TANK: variants seen among roughly 807,000 people sequenced by gnomAD.
TANK encodes the protein TRAF family member associated NFKB activator.
In TANK, 15 loss-of-function variants were observed where a neutral mutation model predicts 43.6. That is an observed-to-expected ratio of 0.34 (90% confidence interval 0.23 to 0.53). The LOEUF (loss-of-function observed/expected upper bound fraction) is 0.53. TANK is among the 20% of genes least tolerant of loss of function. TANK has a pLI of 0.94. For synonymous variants in TANK, 162 were observed against 178.2 expected (o/e 0.91, Z 0.73); for missense variants, 417 against 498.6 (o/e 0.84, Z 1.56).
chr2:161,167,387 A>T (rs1057434706), intron 1 of TANK, among the ~76,000 whole-genome samples: 1 of 152,180 alleles, frequency 6.6e-6, no homozygotes, highest in Non-Finnish European at 1.5e-5. Context: ...CTTACCCTTG[A>T]TTACTACTTT....
chr2:161,167,525 G>C (rs1684737450), intron 1 of TANK, among the ~76,000 whole-genome samples: 1 of 152,198 alleles, frequency 6.6e-6, no homozygotes, highest in Non-Finnish European at 1.5e-5. Flanking sequence ...ATTTATTTGG[G>C]TAAAGGTTGA....
At chr2:161,213,393 A>G (rs1686977965) in intron 4 of TANK, among the ~76,000 whole-genome samples, 1 of 152,124 alleles carries the variant, frequency 6.6e-6, no homozygotes. Context: ...ACTTGAGGTC[A>G]GGAGTTTGAG....
intron 2 of TANK, among the ~76,000 whole-genome samples, chr2:161,184,844 A>G (rs1193186414): frequency 6.6e-6 from 1 of 152,230 alleles, no homozygotes; most frequent in Non-Finnish European, 1.5e-5. Flanking sequence ...GAAAATGCCA[A>G]TGGATGGTTG....
chr2:161,215,160 C>A (rs981167428), intron 4 of TANK, among the ~76,000 whole-genome samples: 1 of 152,208 alleles, frequency 6.6e-6, no homozygotes, highest in African/African-American at 2.4e-5. Flanking sequence ...CCTTGAAAGG[C>A]TCTTGGGACC....
At chr2:161,204,605 T>G (rs1474641324) in intron 3 of TANK, 70 bp from the exon 4 acceptor site, 2 of 1,411,176 alleles carry the variant, frequency 1.4e-6, no homozygotes, top group Non-Finnish European at 1.9e-6. Context: ...TTTGTATTAT[T>G]TTTTGCTTTT....
Position 161,235,926 on chromosome 2 carries a change from A to G in TANK, c.*408A>G, listed in dbSNP as rs1688153047. ...TGTCAAATGTTTCTAGGGTTTTTTT[A>G]GTTTGTTTTTATTGAAAAATTTAAT... On this transcript the variant is annotated 3_prime_UTR_variant, in exon 8 of 8. Transcript: ENST00000392749. 1 of 152,656 alleles carries G rather than the reference A, an allele frequency of 6.6e-6. No homozygotes were observed. Among genetic ancestry groups the G allele is most frequent in the Non-Finnish European group, 1.5e-5 (1 of 68,494 alleles). The allele number at this position is 152,656 out of a possible 1,614,324, so 9.5% of individuals were successfully genotyped here.
At chr2:161,145,098 T>G (rs1257893723) in intron 1 of TANK, among the ~76,000 whole-genome samples, 1 of 151,896 alleles carries the variant, frequency 6.6e-6, no homozygotes, top group Non-Finnish European at 1.5e-5. Flanking sequence ...ATGTCTGTTT[T>G]GTTAAAGACT....
At chr2:161,148,178 C>G (rs949590172) in intron 1 of TANK, among the ~76,000 whole-genome samples, 3 of 152,320 alleles carry the variant, frequency 2.0e-5, no homozygotes, top group Non-Finnish European at 4.4e-5. Context: ...ACATCCTCCT[C>G]CACACTTGTT....
At chr2:161,196,631 G>A (rs1686163850) in intron 2 of TANK, among the ~76,000 whole-genome samples, 1 of 152,190 alleles carries the variant, frequency 6.6e-6, no homozygotes, top group Admixed American at 6.5e-5. Flanking sequence ...GAGGCAGGCG[G>A]ATCACTTGAG....
chr2:161,231,894 G>A (rs1687927433), intron 7 of TANK, among the ~76,000 whole-genome samples: 1 of 152,260 alleles, frequency 6.6e-6, no homozygotes, highest in Middle Eastern at 3.4e-3. Flanking sequence ...TGAAACAAAT[G>A]CTGTTTTATT....
chr2:161,195,449 G>A (rs1686103505), intron 2 of TANK, among the ~76,000 whole-genome samples: 1 of 152,104 alleles, frequency 6.6e-6, no homozygotes, highest in South Asian at 2.1e-4. Flanking sequence ...TGAAAGGGCA[G>A]GTTTGGAGGG....
In TANK at chr2:161,235,331, G is replaced by T; in HGVS notation, c.1102-11G>T. 1 of 1,574,580 alleles carries T rather than the reference G, an allele frequency of 6.4e-7. No individual in the cohort carries two copies. The highest frequency in any genetic ancestry group is 1.9e-5 in the Admixed American group (1 of 52,028). On this transcript the variant is annotated splice_polypyrimidine_tract_variant and intron_variant, in intron 7 of 7. Transcript: ENST00000392749. ...ACATAAGTAACAGATATTTTTGTTT[G>T]TTTCCTGCAGCCCATTTGGAAGCCC...
At position 161,224,763 on chromosome 2, in the gene TANK, T is replaced by C; in HGVS notation, c.520+17T>C. ...CTGCAACTGGTAAGATTTAATTTAA[T>C]TTACAGTAATATTGATTTGCTTGAT... On this transcript the variant is annotated intron_variant, in intron 6 of 7. Transcript: ENST00000392749. 2.2e-6 allele frequency: 3 copies of C among 1,379,052 alleles called. No homozygotes were observed. Among genetic ancestry groups the C allele is most frequent in the Non-Finnish European group, 2.0e-6 (2 of 1,002,810 alleles). The allele number at this position is 1,379,052 out of a possible 1,614,324, so 85.4% of individuals were successfully genotyped here.
intron 2 of TANK, among the ~76,000 whole-genome samples, chr2:161,186,848 T>C (rs777395022): frequency 1.5e-4 from 23 of 152,086 alleles, no homozygotes; most frequent in Non-Finnish European, 2.5e-4. Flanking sequence ...AATTTTGAAA[T>C]GGGCAAAAGA....
intron 1 of TANK, chr2:161,137,104 G>A (rs1391935561): frequency 1.0e-6 from 1 of 985,330 alleles, no homozygotes; most frequent in African/African-American, 1.7e-5. Context: ...CTTAACCTAG[G>A]AAAGGGGCCT....
intron 4 of TANK, among the ~76,000 whole-genome samples, chr2:161,220,266 A>G (rs1292146765): frequency 1.3e-5 from 2 of 152,212 alleles, no homozygotes; most frequent in African/African-American, 4.8e-5. Flanking sequence ...ATATGAGAGA[A>G]TATACATCTT....
chr2:161,177,408 T>C (rs1381139577), intron 1 of TANK, among the ~76,000 whole-genome samples: 7 of 152,128 alleles, frequency 4.6e-5, no homozygotes, highest in Non-Finnish European at 1.0e-4. Flanking sequence ...CAGTTGATTT[T>C]TGGCAAGGGT....
chr2:161,214,843 T>C (rs1687049090), intron 4 of TANK, among the ~76,000 whole-genome samples: 1 of 152,114 alleles, frequency 6.6e-6, no homozygotes, highest in South Asian at 2.1e-4. Context: ...GCGAAGAACA[T>C]CTTATTTTCA....
intron 2 of TANK, among the ~76,000 whole-genome samples, chr2:161,197,682 G>C (rs949731431): frequency 6.6e-6 from 1 of 152,144 alleles, no homozygotes; most frequent in Non-Finnish European, 1.5e-5. Flanking sequence ...GATGAACACT[G>C]TGTTCTCATA....
Sources: allele counts gnomAD v4.1 joint callset (sites outside exome capture counted in the v4.1 genomes callset), GRCh38; gene constraint gnomAD v4.1.1; transcripts MANE v1.5; gene names NCBI Gene and HGNC (gene_info 2026-07-23, HGNC 2026-07-21).